Variants in ERBB4 observed in about 807,000 individuals in gnomAD.
ERBB4 encodes the protein erb-b2 receptor tyrosine kinase 4.
Under a neutral mutation model 158.0 loss-of-function variants are expected in ERBB4, and 42 were observed. That is an observed-to-expected ratio of 0.27 (90% CI 0.21 to 0.34). The LOEUF (loss-of-function observed/expected upper bound fraction) is 0.34, where lower values mean the gene tolerates loss of function less well. Among genes scored for constraint, ERBB4 ranks in the 10% least tolerant of loss-of-function variants. The pLI, the probability that ERBB4 is intolerant of heterozygous loss-of-function variation, is 1.00. For missense variants in ERBB4, 1,333 were observed against 1,624.1 expected, an observed-to-expected ratio of 0.82 and a Z score of 3.08; for synonymous variants, 583 against 558.7, an observed-to-expected ratio of 1.04 and a Z score of -0.61.
intron 2 of ERBB4, among the ~76,000 whole-genome samples, chr2:212,083,005 ACT>A (rs1236311922): frequency 2.6e-5 from 4 of 151,952 alleles, no homozygotes; most frequent in Non-Finnish European, 5.9e-5. Flanking sequence ...AAGGAAGCTA[ACT>A]CTGCTATGAT....
At chr2:212,343,249 T>C (rs561432715) in intron 1 of ERBB4, among the ~76,000 whole-genome samples, 1 of 152,278 alleles carries the variant, frequency 6.6e-6, no homozygotes, top group Non-Finnish European at 1.5e-5. Context: ...TGGATCTAAG[T>C]CTCAAATAAT....
At chr2:211,866,790 G>A (rs911074366) in intron 3 of ERBB4, among the ~76,000 whole-genome samples, 5 of 151,718 alleles carry the variant, frequency 3.3e-5, no homozygotes, top group Non-Finnish European at 5.9e-5. Context: ...TTTAAAATAC[G>A]CCAATAGAGC....
At chr2:212,441,940 C>A (rs567507608) in intron 1 of ERBB4, among the ~76,000 whole-genome samples, 4 of 152,320 alleles carry the variant, frequency 2.6e-5, no homozygotes, top group Non-Finnish European at 4.4e-5. Context: ...GAGGGCAGCA[C>A]CTGCTCTTTG....
chr2:211,913,163 G>C lies in ERBB4; in HGVS notation c.421+34267C>G, dbSNP rs190052791. On this transcript the variant is annotated intron_variant, in intron 3 of 27. Transcript: ENST00000342788. ...TCTGCCTCTTGTCAGTGATTTTTCAGAGAACCTTTAGGGGGCTAAGGGCCT... is the reference window on the plus strand; with the variant it reads ...TCTGCCTCTTGTCAGTGATTTTTCACAGAACCTTTAGGGGGCTAAGGGCCT... 1.8e-3 allele frequency among the ~76,000 whole-genome samples: 281 copies of C among 152,240 alleles called. 2 individuals carry two copies. The highest frequency in any genetic ancestry group is 6.8e-3 in the Middle Eastern group (2 of 294).
intron 19 of ERBB4, among the ~76,000 whole-genome samples, chr2:211,584,442 A>G (rs1208970855): frequency 2.0e-5 from 3 of 152,128 alleles, no homozygotes; most frequent in Admixed American, 6.5e-5. Flanking sequence ...GGACTCCTAT[A>G]TGACATTTTT....
chr2:212,095,647 T>G (rs2078905875), intron 2 of ERBB4, among the ~76,000 whole-genome samples: 1 of 152,002 alleles, frequency 6.6e-6, no homozygotes, highest in African/African-American at 2.4e-5. Flanking sequence ...AGACAGTAAA[T>G]TTTGGCCGGG....
intron 1 of ERBB4, among the ~76,000 whole-genome samples, chr2:212,158,541 T>C (rs758729709): frequency 2.6e-5 from 4 of 152,040 alleles, no homozygotes; most frequent in African/African-American, 9.7e-5. Context: ...TGAAGAGATA[T>C]CTCTGACTCG....
intron 19 of ERBB4, among the ~76,000 whole-genome samples, chr2:211,586,661 G>A (rs1368828297): frequency 6.6e-6 from 1 of 152,104 alleles, no homozygotes; most frequent in Non-Finnish European, 1.5e-5. Flanking sequence ...GATTCCTGGA[G>A]GATTGTTTTT....
At chr2:211,917,770 A>G (rs557947969) in intron 3 of ERBB4, among the ~76,000 whole-genome samples, 1 of 152,320 alleles carries the variant, frequency 6.6e-6, no homozygotes, top group Non-Finnish European at 1.5e-5. Flanking sequence ...CAGATTCTGG[A>G]TGACATTTGA....
Position 211,380,483 on chromosome 2 carries a change from A to G in ERBB4, c.*3132T>C, listed in dbSNP as rs546239717. 4 of 232,386 alleles carry G rather than the reference A, an allele frequency of 1.7e-5. No individual in the cohort carries two copies. Among genetic ancestry groups the G allele is most frequent in the East Asian group, 6.1e-5 (1 of 16,458 alleles). 14.4% of individuals were successfully genotyped at this position (232,386 alleles called of 1,614,324 possible). On this transcript the variant is annotated 3_prime_UTR_variant, in exon 28 of 28. Coordinates refer to ENST00000342788, the MANE Select transcript of ERBB4 (RefSeq NM_005235.3). ...GATTCTGCAAATTTCAATTGCTACAATTGGCCTCTGGAATCTGATATCCCC... is the reference window on the plus strand; with the variant it reads ...GATTCTGCAAATTTCAATTGCTACAGTTGGCCTCTGGAATCTGATATCCCC...
chr2:212,280,637 G>A lies in ERBB4; in HGVS notation c.83-155734C>T, dbSNP rs569876366. On this transcript the variant is annotated intron_variant, in intron 1 of 27. Coordinates refer to ENST00000342788, the MANE Select transcript of ERBB4 (RefSeq NM_005235.3). ...TGTTGTTGTTGTTTTCCTGAAGTAG[G>A]CAACATTTTTTATCAGGAGTATTAC... Among the ~76,000 whole-genome samples the A allele has an allele frequency of 2.6e-5, 4 of 151,670 alleles. No homozygotes were observed. In the South Asian group the frequency reaches 8.3e-4, roughly 31 times the overall value.
Position 211,914,998 on chromosome 2 carries a change from A to AT in ERBB4, c.421+32431dup, listed in dbSNP as rs1196267611. Reference sequence around the variant, plus strand: ...TATCTTTATATTCAAAATTTCCAAGATTTTTTGTTAGCAGGCATGTGAAAA... The same window carrying AT: ...TATCTTTATATTCAAAATTTCCAAGATTTTTTTGTTAGCAGGCATGTGAAAA... On this transcript the variant is annotated intron_variant, in intron 3 of 27. Coordinates refer to ENST00000342788, the MANE Select transcript of ERBB4 (RefSeq NM_005235.3). 3.3e-5 allele frequency among the ~76,000 whole-genome samples: 5 copies of AT among 152,216 alleles called. No individual in the cohort carries two copies. In the East Asian group the frequency reaches 7.7e-4, roughly 23 times the overall value.
At chr2:212,424,814 G>C (rs1339185226) in intron 1 of ERBB4, among the ~76,000 whole-genome samples, 3 of 151,980 alleles carry the variant, frequency 2.0e-5, no homozygotes, top group Non-Finnish European at 4.4e-5. Flanking sequence ...CAAATACTTA[G>C]TTTATGTCTA....
chr2:211,914,260 T>G (rs1161433831), intron 3 of ERBB4, among the ~76,000 whole-genome samples: 1 of 145,124 alleles, frequency 6.9e-6, no homozygotes. Flanking sequence ...TTTTTCTTTT[T>G]TTTTTTTCAA....
chr2:212,358,543 A>G (rs1002062625), intron 1 of ERBB4, among the ~76,000 whole-genome samples: 5 of 151,776 alleles, frequency 3.3e-5, no homozygotes, highest in African/African-American at 1.2e-4. Context: ...CATCTTAGCT[A>G]ATTTATAATT....
intron 12 of ERBB4, among the ~76,000 whole-genome samples, chr2:211,685,478 G>A (rs1191913643): frequency 1.3e-5 from 2 of 152,070 alleles, no homozygotes. Flanking sequence ...TTATTGATCT[G>A]TGTATTATCC....
intron 1 of ERBB4, among the ~76,000 whole-genome samples, chr2:212,340,150 C>T (rs996899115): frequency 3.3e-5 from 5 of 151,932 alleles, no homozygotes; most frequent in Non-Finnish European, 7.4e-5. Flanking sequence ...ATCCTCCCAC[C>T]TCAGCCTCCC....
At chr2:211,794,874 C>G (rs952796920) in intron 3 of ERBB4, among the ~76,000 whole-genome samples, 1 of 151,722 alleles carries the variant, frequency 6.6e-6, no homozygotes, top group Non-Finnish European at 1.5e-5. Context: ...CCTGTGTTTT[C>G]TTATTTCTGT....
chr2:212,461,596 A>G (rs2106072932), intron 1 of ERBB4, among the ~76,000 whole-genome samples: 1 of 152,264 alleles, frequency 6.6e-6, no homozygotes, highest in Non-Finnish European at 1.5e-5. Context: ...CTCAGATGAG[A>G]CATTGGACTG....
Sources: allele counts gnomAD v4.1 joint callset (sites outside exome capture counted in the v4.1 genomes callset), GRCh38; gene constraint gnomAD v4.1.1; transcripts MANE v1.5; gene names NCBI Gene and HGNC (gene_info 2026-07-23, HGNC 2026-07-21).